The following ITIH2 variants were observed in gnomAD, a reference collection of about 807,000 sequenced individuals.
ITIH2 encodes inter-alpha-trypsin inhibitor heavy chain 2.
In ITIH2, 103 loss-of-function variants were observed where a neutral mutation model predicts 104.4. That is an observed-to-expected ratio of 0.99 (90% CI 0.84 to 1.16). The LOEUF (loss-of-function observed/expected upper bound fraction) is 1.16, where lower values mean the gene tolerates loss of function less well. Among genes scored for constraint, ITIH2 ranks in the 50% most tolerant of loss-of-function variants. The pLI is 0.00. For synonymous variants in ITIH2, 436 were observed against 435.4 expected (o/e 1.00, Z -0.02); for missense variants, 1,108 against 1,162.4 (o/e 0.95, Z 0.68).
chr10:7,722,411 G>A (rs1365242723), intron 8 of ITIH2, among the ~76,000 whole-genome samples: 3 of 152,172 alleles, frequency 2.0e-5, no homozygotes, highest in Non-Finnish European at 2.9e-5. Flanking sequence ...CAAGCCTGCA[G>A]CAGAAGACAA....
intron 20 of ITIH2, among the ~76,000 whole-genome samples, chr10:7,747,184 G>A (rs369768046): frequency 1.3e-5 from 2 of 152,052 alleles, no homozygotes; most frequent in Non-Finnish European, 2.9e-5. Context: ...CGCTCATAAC[G>A]CATTCTGAGT....
At chr10:7,728,933 G>A (rs1834975296) in intron 11 of ITIH2, among the ~76,000 whole-genome samples, 1 of 152,158 alleles carries the variant, frequency 6.6e-6, no homozygotes, top group African/African-American at 2.4e-5. Context: ...ATTTGTTGTA[G>A]AGCCAATGTT....
intron 4 of ITIH2, among the ~76,000 whole-genome samples, chr10:7,712,183 T>A (rs1834802295): frequency 6.6e-6 from 1 of 152,188 alleles, no homozygotes; most frequent in Non-Finnish European, 1.5e-5. Flanking sequence ...AACAGAAATT[T>A]AAAATTCATA....
In ITIH2 at chr10:7,703,426, T is replaced by C; in HGVS notation, c.-9T>C. On this transcript the variant is annotated 5_prime_UTR_variant, in exon 1 of 21. Transcript: ENST00000358415. ...TGCTTTGGGGAGCTTGGCAAAACTGTCCAGCAAAATGAAAAGACTCACGTG... is the reference window on the plus strand; with the variant it reads ...TGCTTTGGGGAGCTTGGCAAAACTGCCCAGCAAAATGAAAAGACTCACGTG... The C allele has an allele frequency of 1.2e-6, 2 of 1,611,568 alleles. No individual in the cohort carries two copies. Among genetic ancestry groups the C allele is most frequent in the Non-Finnish European group, 1.7e-6 (2 of 1,177,660 alleles).
intron 9 of ITIH2, among the ~76,000 whole-genome samples, chr10:7,725,182 T>A (rs549113966): frequency 4.1e-4 from 63 of 152,274 alleles, no homozygotes; most frequent in African/African-American, 1.4e-3. Flanking sequence ...AAAGTTTTTT[T>A]AAAAAATAAA....
At chr10:7,726,502 T>A (rs1355396518) in intron 9 of ITIH2, among the ~76,000 whole-genome samples, 2 of 152,186 alleles carry the variant, frequency 1.3e-5, no homozygotes, top group African/African-American at 2.4e-5. Flanking sequence ...TCTGTGGGAA[T>A]GTTCTTCTGT....
intron 19 of ITIH2, among the ~76,000 whole-genome samples, chr10:7,745,559 G>A (rs1835168140): frequency 6.6e-6 from 1 of 151,786 alleles, no homozygotes; most frequent in Non-Finnish European, 1.5e-5. Context: ...AGGGCAGCCT[G>A]GGCACCCCAT....
chr10:7,730,437 T>C (rs1295933511), intron 12 of ITIH2, among the ~76,000 whole-genome samples: 1 of 152,194 alleles, frequency 6.6e-6, no homozygotes, highest in Non-Finnish European at 1.5e-5. Context: ...CCACCAGCAA[T>C]TGGTCTTCTT....
At chr10:7,734,786 T>C (rs558064390) in intron 14 of ITIH2, 136 bp from the exon 15 acceptor site, 1 of 653,918 alleles carries the variant, frequency 1.5e-6, no homozygotes, top group South Asian at 2.2e-5. Flanking sequence ...GTGAGTTCTG[T>C]TTCCCAGTTA....
In ITIH2 at chr10:7,745,565, C is replaced by G. The variant is rs146362236; in HGVS notation, c.2581+602C>G. Among the ~76,000 whole-genome samples, 411 of 151,938 alleles carry G rather than the reference C, an allele frequency of 2.7e-3. 3 individuals carry two copies. The highest frequency in any genetic ancestry group is 9.1e-3 in the African/African-American group (376 of 41,476). On this transcript the variant is annotated intron_variant, in intron 19 of 20. Transcript: ENST00000358415. ...TGGAGTTCAAGGGCAGCCTGGGCAC[C>G]CCATCTCTACCAAAAAATTAGAAAA...
Position 7,744,801 on chromosome 10 carries a change from T to A in ITIH2, c.2419T>A (p.Ser807Thr), listed in dbSNP as rs1192370372. 6.2e-7 allele frequency: 1 copy of A among 1,613,664 alleles called. No homozygotes were observed. The highest frequency in any genetic ancestry group is 1.6e-4 in the Middle Eastern group (1 of 6,082). The change falls in exon 19 of 21, where the codon TCA (serine) becomes ACA (threonine). Residue 807 changes from serine (S) to threonine (T), a missense_variant. Transcript: ENST00000358415. ...AQVTNQRVQI[S>T]VKKEKVVTIT... is the part of the protein sequence containing the mutation. ...GGACTTTCACACCAGGGTGCAGATC[T>A]CAGTGAAGAAAGAAAAAGTGGTAAC...
At chr10:7,712,039 C>T (rs1834800705) in intron 4 of ITIH2, among the ~76,000 whole-genome samples, 1 of 152,176 alleles carries the variant, frequency 6.6e-6, no homozygotes, top group South Asian at 2.1e-4. Context: ...ATAAACACCA[C>T]CTTGGCAGGG....
intron 9 of ITIH2, among the ~76,000 whole-genome samples, chr10:7,725,100 T>C (rs1024771241): frequency 2.6e-5 from 4 of 152,110 alleles, no homozygotes; most frequent in East Asian, 1.9e-4. Flanking sequence ...ATCTGAGGGA[T>C]AGGGGACAGA....
chr10:7,734,136 C>T (rs1282985314), intron 14 of ITIH2, among the ~76,000 whole-genome samples: 1 of 152,112 alleles, frequency 6.6e-6, no homozygotes, highest in East Asian at 1.9e-4. Context: ...CAATGGTGGA[C>T]ACCTGTCATT....
intron 3 of ITIH2, among the ~76,000 whole-genome samples, chr10:7,708,600 T>C (rs1834768247): frequency 6.6e-6 from 1 of 152,144 alleles, no homozygotes; most frequent in Non-Finnish European, 1.5e-5. Context: ...CACCCCTGTG[T>C]GACCCCTACT....
intron 15 of ITIH2, among the ~76,000 whole-genome samples, chr10:7,738,266 C>A (rs1835088949): frequency 8.2e-6 from 1 of 122,616 alleles, no homozygotes; most frequent in South Asian, 2.3e-4. Flanking sequence ...ATATTATATT[C>A]TATATAATAT....
At chr10:7,738,860 C>A in intron 16 of ITIH2, 102 bp downstream of exon 16, 10 of 1,225,576 alleles carry the variant, frequency 8.2e-6, no homozygotes, top group South Asian at 5.6e-5. Context: ...CGCCTGTAAT[C>A]GCAGCACTTT....
intron 6 of ITIH2, 82 bp from the exon 7 acceptor site, chr10:7,720,774 G>T (rs1370688716): frequency 1.2e-6 from 1 of 836,048 alleles, no homozygotes; most frequent in Non-Finnish European, 2.0e-6. Flanking sequence ...AGCATCAGAG[G>T]ACTTATTTGT....
At chr10:7,744,552 G>A (rs1296976584) in intron 18 of ITIH2, among the ~76,000 whole-genome samples, 1 of 152,180 alleles carries the variant, frequency 6.6e-6, no homozygotes, top group African/African-American at 2.4e-5. Flanking sequence ...TCCACCAGCT[G>A]AAATCCATAC....
Sources: allele counts gnomAD v4.1 joint callset (sites outside exome capture counted in the v4.1 genomes callset), GRCh38; gene constraint gnomAD v4.1.1; transcripts MANE v1.5; gene names NCBI Gene and HGNC (gene_info 2026-07-23, HGNC 2026-07-21).